The following LHFPL3 variants were observed in gnomAD, a reference collection of about 807,000 sequenced individuals.
The protein encoded by LHFPL3 is LHFPL tetraspan subfamily member 3 protein.
A neutral mutation model predicts 19.3 loss-of-function variants in LHFPL3; 5 were observed. The ratio of observed to expected loss-of-function variants is 0.26; its 90% CI spans 0.14 to 0.54. The LOEUF is 0.54. Among genes scored for constraint, LHFPL3 ranks in the 20% least tolerant of loss-of-function variants. The pLI, the probability that LHFPL3 is intolerant of heterozygous loss-of-function variation, is 0.94. For missense variants in LHFPL3, 249 were observed against 307.4 expected, an observed-to-expected ratio of 0.81 and a Z score of 1.42; for synonymous variants, 133 against 126.2, an observed-to-expected ratio of 1.05 and a Z score of -0.36.
At chr7:104,721,606 G>A (rs768506920) in intron 1 of LHFPL3, among the ~76,000 whole-genome samples, 5 of 151,986 alleles carry the variant, frequency 3.3e-5, no homozygotes, top group African/African-American at 4.8e-5. Flanking sequence ...CATGCTTTGC[G>A]TGGACAAACT....
chr7:104,377,621 T>C (rs1390805440), intron 1 of LHFPL3, among the ~76,000 whole-genome samples: 1 of 152,180 alleles, frequency 6.6e-6, no homozygotes, highest in Non-Finnish European at 1.5e-5. Context: ...CTGAAGAATT[T>C]ACTTGCACCT....
chr7:104,854,414 C>T (rs1374105820), intron 2 of LHFPL3, among the ~76,000 whole-genome samples: 1 of 152,200 alleles, frequency 6.6e-6, no homozygotes, highest in Non-Finnish European at 1.5e-5. Context: ...GGAACTCCTA[C>T]CCTGTCTTCA....
chr7:104,514,917 C>T (rs2115783887), intron 1 of LHFPL3, among the ~76,000 whole-genome samples: 1 of 152,302 alleles, frequency 6.6e-6, no homozygotes, highest in African/African-American at 2.4e-5. Context: ...TCTTTTGAAA[C>T]TACCCTTCTT....
chr7:104,630,020 C>G (rs1791612357), intron 1 of LHFPL3, among the ~76,000 whole-genome samples: 1 of 152,164 alleles, frequency 6.6e-6, no homozygotes, highest in Non-Finnish European at 1.5e-5. Context: ...CCTAGTCATT[C>G]AGTTAGCTCC....
chr7:104,846,709 G>A (rs921300518), intron 2 of LHFPL3, among the ~76,000 whole-genome samples: 6 of 152,150 alleles, frequency 3.9e-5, no homozygotes, highest in Admixed American at 3.3e-4. Context: ...CACACTACCA[G>A]GAGAGCCTTT....
At chr7:104,364,766 C>T (rs148199593) in intron 1 of LHFPL3, among the ~76,000 whole-genome samples, 133 of 152,320 alleles carry the variant, frequency 8.7e-4, no homozygotes, top group African/African-American at 3.1e-3. Context: ...ACCAGGAGCA[C>T]GTCATTTAAC....
chr7:104,343,558 C>T (rs1386739038), intron 1 of LHFPL3, among the ~76,000 whole-genome samples: 1 of 117,906 alleles, frequency 8.5e-6, no homozygotes. Flanking sequence ...AAAAGCCAAG[C>T]TTGAATTTAT....
chr7:104,764,066 T>G (rs1052357761), intron 2 of LHFPL3, among the ~76,000 whole-genome samples: 4 of 152,194 alleles, frequency 2.6e-5, no homozygotes, highest in African/African-American at 9.6e-5. Flanking sequence ...TCAGAAGCAG[T>G]ACCCACTTTC....
intron 2 of LHFPL3, among the ~76,000 whole-genome samples, chr7:104,811,483 G>T (rs1790469587): frequency 6.6e-6 from 1 of 152,116 alleles, no homozygotes; most frequent in African/African-American, 2.4e-5. Flanking sequence ...TTGCAGGCAT[G>T]GGCCACCATG....
intron 1 of LHFPL3, among the ~76,000 whole-genome samples, chr7:104,561,358 T>G (rs1471066240): frequency 4.0e-5 from 6 of 150,178 alleles, no homozygotes; most frequent in Non-Finnish European, 5.9e-5. Flanking sequence ...TTATGAATCT[T>G]GGTGCTCCTG....
rs1428024574 is a variant in LHFPL3, at chr7:104,875,284, C to T, written c.683-30903C>T. Reference sequence around the variant, plus strand: ...GAGGTCCAAATTTGTCTTTGATGCTCTTCCATGTTCCTTTCTTTGACTACC... The same window carrying T: ...GAGGTCCAAATTTGTCTTTGATGCTTTTCCATGTTCCTTTCTTTGACTACC... On this transcript the variant is annotated intron_variant, in intron 2 of 2. Transcript: ENST00000424859. Among the ~76,000 whole-genome samples, 3 of 152,116 alleles carry T rather than the reference C, an allele frequency of 2.0e-5. No individual in the cohort carries two copies. In the East Asian group the frequency reaches 5.8e-4, roughly 29 times the overall value.
rs150075062 is a variant in LHFPL3 at position 104,771,743 on chromosome 7, G to C, written c.682+34832G>C. On this transcript the variant is annotated intron_variant, in intron 2 of 2. Coordinates refer to ENST00000424859, the MANE Select transcript of LHFPL3 (RefSeq NM_199000.3). ...TCTCCAGTGAAAATAAGAGACTGTA[G>C]GCTCTTTCTCCTTAAGCCCAGAAGT... 5.2e-3 allele frequency among the ~76,000 whole-genome samples: 789 copies of C among 151,070 alleles called. 4 individuals carry two copies. Among genetic ancestry groups the C allele is most frequent in the African/African-American group, 0.018 (743 of 41,130 alleles).
chr7:104,804,788 A>T (rs894732454), intron 2 of LHFPL3, among the ~76,000 whole-genome samples: 4 of 152,210 alleles, frequency 2.6e-5, no homozygotes, highest in Non-Finnish European at 5.9e-5. Context: ...AGGCTTTCAG[A>T]TGAGAAATCA....
intron 1 of LHFPL3, among the ~76,000 whole-genome samples, chr7:104,516,754 A>G (rs1381081840): frequency 6.6e-6 from 1 of 152,100 alleles, no homozygotes; most frequent in Non-Finnish European, 1.5e-5. Flanking sequence ...ACAGAGACCT[A>G]AAAACAGAAC....
At chr7:104,442,725 C>T (rs181742281) in intron 1 of LHFPL3, among the ~76,000 whole-genome samples, 1 of 152,188 alleles carries the variant, frequency 6.6e-6, no homozygotes, top group Non-Finnish European at 1.5e-5. Context: ...AAAGCTTGCT[C>T]TTTCTGGCAA....
At chr7:104,548,787 A>T (rs1794616992) in intron 1 of LHFPL3, among the ~76,000 whole-genome samples, 1 of 152,146 alleles carries the variant, frequency 6.6e-6, no homozygotes, top group Admixed American at 6.5e-5. Context: ...AATAAGTCAG[A>T]GCACAAGTAC....
chr7:104,566,201 A>C (rs1267732584), intron 1 of LHFPL3, among the ~76,000 whole-genome samples: 1 of 152,040 alleles, frequency 6.6e-6, no homozygotes, highest in Admixed American at 6.6e-5. Flanking sequence ...AACCAAAAAA[A>C]TTTGCCTGTC....
At chr7:104,619,954 C>T (rs933460536) in intron 1 of LHFPL3, among the ~76,000 whole-genome samples, 1 of 152,156 alleles carries the variant, frequency 6.6e-6, no homozygotes, top group African/African-American at 2.4e-5. Flanking sequence ...AGTCTAGATC[C>T]CTTGCATGTG....
chr7:104,570,786 G>A (rs1041223215), intron 1 of LHFPL3, among the ~76,000 whole-genome samples: 1 of 152,068 alleles, frequency 6.6e-6, no homozygotes, highest in Non-Finnish European at 1.5e-5. Flanking sequence ...TCATCACTCA[G>A]GAATTAAGCC....
Sources: gnomAD v4.1 joint callset for allele counts (sites outside exome capture counted in the v4.1 genomes callset) on GRCh38, gnomAD v4.1.1 for gene constraint, MANE v1.5 for transcripts, NCBI Gene and HGNC (gene_info 2026-07-23, HGNC 2026-07-21) for gene names.